Variants in TXNL4A observed in about 807,000 individuals in gnomAD.
TXNL4A encodes the protein thioredoxin like 4A.
In TXNL4A, 17 loss-of-function variants were observed where a neutral mutation model predicts 14.6. The ratio of observed to expected loss-of-function variants is 1.16; its 90% CI spans 0.80 to 1.74. The LOEUF (loss-of-function observed/expected upper bound fraction) is 1.74, where lower values mean the gene tolerates loss of function less well. Ranked by LOEUF, TXNL4A falls within the 40% of genes most tolerant of loss-of-function variation. TXNL4A has a pLI of 0.00. For missense variants in TXNL4A, 74 were observed against 195.2 expected, an observed-to-expected ratio of 0.38 and a Z score of 3.70; for synonymous variants, 83 against 70.6, an observed-to-expected ratio of 1.18 and a Z score of -0.88.
chr18:80,033,021 G>A (rs1348030131), intron 1 of TXNL4A, among the ~76,000 whole-genome samples: 29 of 69,380 alleles, frequency 4.2e-4, no homozygotes. Flanking sequence ...TCAATACTCC[G>A]CCCTTTCCCC....
In TXNL4A at chr18:79,988,230, G is replaced by A. The variant is rs372609874; in HGVS notation, c.153+10C>T. 29 of 1,522,350 alleles carry A rather than the reference G, an allele frequency of 1.9e-5. No homozygotes were observed. The highest frequency in any genetic ancestry group is 5.5e-5 in the African/African-American group (4 of 72,380). 94.3% of individuals were successfully genotyped at this position (1,522,350 alleles called of 1,614,324 possible). The stretch of plus-strand genomic sequence containing the variant: ...CACAGCCCGCAGAGCGGGAGAGTCC[G>A]GCGCGCTACCTTCTCGGCGATGCTG... On this transcript the variant is annotated intron_variant, in intron 1 of 2. Transcript: ENST00000269601.
chr18:79,976,372 T>C (rs1046523959), intron 2 of TXNL4A, among the ~76,000 whole-genome samples: 4 of 152,210 alleles, frequency 2.6e-5, no homozygotes, highest in African/African-American at 7.2e-5. Flanking sequence ...AAGTTCTCAA[T>C]GTGCCGGCAT....
chr18:79,986,485 G>A, intron 1 of TXNL4A: 1 of 820,084 alleles, frequency 1.2e-6, no homozygotes, highest in Non-Finnish European at 1.5e-6. Flanking sequence ...CTGTCCTTAA[G>A]TGTGTGTCCA....
rs1482811449 is a variant in TXNL4A, at chr18:79,971,976, T to C, written c.*1709A>G. 6.6e-6 allele frequency: 1 copy of C among 152,226 alleles called. No individual in the cohort carries two copies. The highest frequency in any genetic ancestry group is 1.5e-5 in the Non-Finnish European group (1 of 68,048). The allele number at this position is 152,226 out of a possible 1,614,324, so 9.4% of individuals were successfully genotyped here. On this transcript the variant is annotated 3_prime_UTR_variant, in exon 3 of 3. Coordinates refer to ENST00000269601, the MANE Select transcript of TXNL4A (RefSeq NM_006701.5). ...CCGATACGCTGTTGCACTCTCCTAC[T>C]TTATACATAGAAAAATCAGCACTTG...
At chr18:80,031,570 C>T (rs1464520824) in intron 1 of TXNL4A, among the ~76,000 whole-genome samples, 1 of 152,168 alleles carries the variant, frequency 6.6e-6, no homozygotes, top group Non-Finnish European at 1.5e-5. Flanking sequence ...CCACAGATAG[C>T]TATTGAAGAT....
intron 2 of TXNL4A, among the ~76,000 whole-genome samples, chr18:79,974,647 T>C (rs1170494117): frequency 1.3e-5 from 2 of 152,060 alleles, no homozygotes; most frequent in Admixed American, 6.5e-5. Flanking sequence ...CCCAGATAAA[T>C]TTCTAGTTTT....
Position 79,973,168 on chromosome 18 carries a change from G to A in TXNL4A, c.*517C>T, listed in dbSNP as rs531902837. 1 of 152,776 alleles carries A rather than the reference G, an allele frequency of 6.5e-6. No homozygotes were observed. The highest frequency in any genetic ancestry group is 1.5e-5 in the Non-Finnish European group (1 of 68,500). 9.5% of individuals were successfully genotyped at this position (152,776 alleles called of 1,614,324 possible). A position where few individuals can be genotyped will look rare whatever the true frequency, so the allele number is the denominator to read the frequency against. On this transcript the variant is annotated 3_prime_UTR_variant, in exon 3 of 3. Transcript: ENST00000269601. ...GAGGACACAGGTGAAGGCAGAGATG[G>A]GGCGAAGTATCCACACACCAAGGAA... is the stretch of plus-strand genomic sequence containing the variant.
intron 1 of TXNL4A, chr18:80,030,450 C>G (rs1301718401): frequency 6.6e-6 from 1 of 152,218 alleles, no homozygotes. Context: ...TGAAACAAAC[C>G]TGTTTCTACA....
upstream of TXNL4A, among the ~76,000 whole-genome samples, chr18:79,993,335 C>G (rs1223929514): frequency 2.6e-5 from 4 of 151,296 alleles, no homozygotes; most frequent in African/African-American, 9.7e-5. This position sits in a 1 kb window ranked among gnomAD's most constrained non-coding sequence, Gnocchi z 4.4. Flanking sequence ...AAAAAAAAAT[C>G]TCCTTTTTTC....
At chr18:79,993,344 T>A (rs948807614), upstream of TXNL4A, among the ~76,000 whole-genome samples, 1 of 152,094 alleles carries the variant, frequency 6.6e-6, no homozygotes, top group Non-Finnish European at 1.5e-5. The surrounding 1 kb of genome is among the most constrained non-coding windows in gnomAD (Gnocchi z 4.4). Flanking sequence ...TCTCCTTTTT[T>A]CCTGGAATTT....
chr18:80,009,186 T>C (rs995082963), intron 1 of TXNL4A, among the ~76,000 whole-genome samples: 11 of 152,238 alleles, frequency 7.2e-5, no homozygotes, highest in African/African-American at 2.7e-4. Flanking sequence ...AGTAATACTT[T>C]TTTTTTGTAA....
chr18:79,983,275 A>T (rs1451742320), intron 1 of TXNL4A, among the ~76,000 whole-genome samples: 2 of 152,226 alleles, frequency 1.3e-5, no homozygotes, highest in African/African-American at 2.4e-5. Context: ...TGCTGGAATT[A>T]CAGGTTTAAG....
At chr18:80,008,105 C>T (rs111767807) in intron 1 of TXNL4A, among the ~76,000 whole-genome samples, 9 of 152,258 alleles carry the variant, frequency 5.9e-5, no homozygotes, top group African/African-American at 2.2e-4. Context: ...TGAGCCGTGA[C>T]TGCACCTCTG....
At chr18:80,003,027 G>A (rs1799605747) in intron 1 of TXNL4A, among the ~76,000 whole-genome samples, 2 of 152,238 alleles carry the variant, frequency 1.3e-5, no homozygotes, top group Non-Finnish European at 1.5e-5. Context: ...AAGGGGGCCT[G>A]TTGTCCAGTT....
Position 79,977,659 on chromosome 18 carries a change from C to T in TXNL4A, c.196G>A (p.Val66Met). The T allele has an allele frequency of 6.2e-7, 1 of 1,612,260 alleles. No individual in the cohort carries two copies. The highest frequency in any genetic ancestry group is 8.5e-7 in the Non-Finnish European group (1 of 1,179,398). ...AVIYLVDITE[V>M]PDFNKMYELY... ...TCATACATTTTGTTGAAGTCAGGCA[C>T]TTCTGTAATATCCACAAGATAAATA... is the stretch of plus-strand genomic sequence containing the variant. Residue 66 changes from valine to methionine, a missense_variant, in exon 2 of 3, where the codon GTG (valine) becomes ATG (methionine). Physicochemically the swap from Val to Met is conservative, Grantham distance 21. Transcript: ENST00000269601.
At chr18:79,997,686 G>C (rs1426419982) in intron 1 of TXNL4A, among the ~76,000 whole-genome samples, 1 of 152,118 alleles carries the variant, frequency 6.6e-6, no homozygotes, top group Non-Finnish European at 1.5e-5. Context: ...AATATTAAAA[G>C]CTGATTTAGA....
At chr18:80,006,569 C>T (rs964455895) in intron 1 of TXNL4A, among the ~76,000 whole-genome samples, 2 of 152,050 alleles carry the variant, frequency 1.3e-5, no homozygotes, top group African/African-American at 4.8e-5. Flanking sequence ...ATTTTATTTA[C>T]TTATAAAAGT....
intron 1 of TXNL4A, among the ~76,000 whole-genome samples, chr18:79,986,283 C>T (rs2051546806): frequency 6.6e-6 from 1 of 152,170 alleles, no homozygotes; most frequent in South Asian, 2.1e-4. Flanking sequence ...TGATCGCCTA[C>T]GCTGGCCTCC....
chr18:80,010,117 A>C (rs2051760127), intron 1 of TXNL4A, among the ~76,000 whole-genome samples: 1 of 152,184 alleles, frequency 6.6e-6, no homozygotes, highest in South Asian at 2.1e-4. Flanking sequence ...CTTTGAGATA[A>C]TAACTGGACT....
Sources: gnomAD v4.1 joint callset for allele counts (sites outside exome capture counted in the v4.1 genomes callset) on GRCh38, gnomAD v4.1.1 for gene constraint, Gnocchi (gnomAD v3.1) non-coding constraint, MANE v1.5 for transcripts, NCBI Gene and HGNC (gene_info 2026-07-23, HGNC 2026-07-21) for gene names.